CEP70: variants seen among roughly 807,000 people sequenced by gnomAD.
CEP70 encodes centrosomal protein 70, also known as centrosomal protein of 70 kDa.
A neutral mutation model predicts 90.9 loss-of-function variants in CEP70; 70 were observed. That is an observed-to-expected ratio of 0.77 (90% confidence interval 0.64 to 0.94). CEP70 has a LOEUF of 0.94. CEP70 is among the 40% of genes least tolerant of loss of function. The probability of loss-of-function intolerance (pLI) is 0.00; values close to 1 mark genes in which losing one functional copy is unlikely to be tolerated. For synonymous variants in CEP70, 220 were observed against 228.3 expected (o/e 0.96, Z 0.33); for missense variants, 648 against 669.0 (o/e 0.97, Z 0.35).
At position 138,508,493 on chromosome 3, in the gene CEP70, ATCTT is replaced by A. The variant is rs1374357953; in HGVS notation, c.992_995del (p.Lys331MetfsTer12). ...GTTGCTGATTATATTTGCTGGGCTC[ATCTT>A]TCTTCTCTGTGTCCTCAGCCTTCTT... On this transcript the variant is annotated frameshift_variant, in exon 12 of 18. Coordinates refer to ENST00000264982, the MANE Select transcript of CEP70 (RefSeq NM_024491.4). LOFTEE classifies it high-confidence loss of function. 2 of 1,613,238 alleles carry A rather than the reference ATCTT, an allele frequency of 1.2e-6. No homozygotes were observed. Among genetic ancestry groups the A allele is most frequent in the Non-Finnish European group, 1.7e-6 (2 of 1,179,314 alleles).
At chr3:138,511,168 C>A (rs572965003) in intron 11 of CEP70, among the ~76,000 whole-genome samples, 2 of 152,218 alleles carry the variant, frequency 1.3e-5, no homozygotes, top group East Asian at 3.9e-4. Flanking sequence ...ACCGTGCCCC[C>A]CCAGTCCTAA....
rs202216015 is a variant in CEP70 at position 138,501,042 on chromosome 3, AT to A, written c.1222-162del. Among the ~76,000 whole-genome samples the A allele has an allele frequency of 7.1e-3, 1,071 of 151,622 alleles. 12 individuals are homozygous for A. The highest frequency in any genetic ancestry group is 0.025 in the African/African-American group (1,025 of 41,458). The stretch of plus-strand genomic sequence containing the variant: ...TTAAAAAAATATATATGTAACCATC[AT>A]TTTTTTTAAATAAAAATACTACTAC... On this transcript the variant is annotated intron_variant, in intron 13 of 17. Coordinates refer to ENST00000264982, the MANE Select transcript of CEP70 (RefSeq NM_024491.4).
chr3:138,583,977 A>T (rs1001081081), intron 2 of CEP70, among the ~76,000 whole-genome samples: 1 of 150,416 alleles, frequency 6.6e-6, no homozygotes, highest in Non-Finnish European at 1.5e-5. Flanking sequence ...ACATAAGAAC[A>T]ATAAAACAAA....
intron 2 of CEP70, among the ~76,000 whole-genome samples, chr3:138,589,102 G>C (rs1221904788): frequency 6.6e-6 from 1 of 152,122 alleles, no homozygotes; most frequent in Non-Finnish European, 1.5e-5. Flanking sequence ...AGGGAATTTG[G>C]GGGGATGATG....
At chr3:138,585,519 T>C (rs1010144709) in intron 2 of CEP70, among the ~76,000 whole-genome samples, 1 of 152,186 alleles carries the variant, frequency 6.6e-6, no homozygotes, top group South Asian at 2.1e-4. Context: ...ACCAATGACA[T>C]TCTTCACAGA....
intron 6 of CEP70, among the ~76,000 whole-genome samples, chr3:138,541,878 C>A (rs967703444): frequency 6.6e-6 from 1 of 152,170 alleles, no homozygotes; most frequent in Non-Finnish European, 1.5e-5. Context: ...AAAAAGTTAG[C>A]TGAGTGTCGT....
chr3:138,501,552 T>C (rs2034511588), intron 13 of CEP70, among the ~76,000 whole-genome samples: 1 of 152,216 alleles, frequency 6.6e-6, no homozygotes, highest in South Asian at 2.1e-4. Flanking sequence ...AAGTAGTCTT[T>C]TATGAATGAC....
chr3:138,505,434 T>C lies in CEP70; in HGVS notation c.1082A>G (p.Asn361Ser). The part of the protein sequence containing the change: ...VLCSINSIIH[N>S]PRAPVIIYKQ... ...ATAAATTATTACTGGAGCTCTTGGA[T>C]TGTGGATAATTGAATTGATGCTACA... Residue 361 changes from asparagine (N) to serine (S), a missense_variant, in exon 13 of 18, where the codon AAT becomes AGT. Physicochemically the swap from Asn to Ser is conservative, Grantham distance 46 (BLOSUM62 1). Coordinates refer to ENST00000264982, the MANE Select transcript of CEP70 (RefSeq NM_024491.4). 6.2e-7 allele frequency: 1 copy of C among 1,606,990 alleles called. No homozygotes were observed. The highest frequency in any genetic ancestry group is 8.5e-7 in the Non-Finnish European group (1 of 1,177,678).
intron 6 of CEP70, among the ~76,000 whole-genome samples, chr3:138,561,308 T>C (rs1285666035): frequency 6.6e-6 from 1 of 151,910 alleles, no homozygotes; most frequent in Non-Finnish European, 1.5e-5. Flanking sequence ...GGCCTGACTG[T>C]TAGAAGGAAA....
intron 2 of CEP70, among the ~76,000 whole-genome samples, chr3:138,576,233 C>T (rs1461791922): frequency 1.3e-5 from 2 of 151,962 alleles, no homozygotes; most frequent in African/African-American, 4.8e-5. Flanking sequence ...CACACATAGG[C>T]TCAAAATAAA....
At chr3:138,563,816 A>G (rs2040585358) in intron 6 of CEP70, among the ~76,000 whole-genome samples, 2 of 152,198 alleles carry the variant, frequency 1.3e-5, no homozygotes, top group Non-Finnish European at 2.9e-5. Flanking sequence ...CAAACTCAAA[A>G]ACTAGCAGAA....
At chr3:138,568,752 G>A (rs950824449) in intron 6 of CEP70, among the ~76,000 whole-genome samples, 10 of 152,034 alleles carry the variant, frequency 6.6e-5, no homozygotes, top group African/African-American at 1.9e-4. Flanking sequence ...AGGCTGAGGC[G>A]GGTGGATCAC....
At chr3:138,560,743 A>G (rs747830737) in intron 6 of CEP70, among the ~76,000 whole-genome samples, 34 of 152,266 alleles carry the variant, frequency 2.2e-4, no homozygotes, top group East Asian at 3.9e-4. Context: ...CAGTATAAAC[A>G]AAGCCGCCCA....
intron 6 of CEP70, among the ~76,000 whole-genome samples, chr3:138,552,635 A>C (rs891908311): frequency 6.6e-6 from 1 of 152,194 alleles, no homozygotes; most frequent in African/African-American, 2.4e-5. Flanking sequence ...GAGAGATAAT[A>C]GTGACATAAC....
intron 5 of CEP70, 141 bp from the exon 6 acceptor site, chr3:138,570,639 C>T: frequency 3.1e-6 from 2 of 653,634 alleles, no homozygotes; most frequent in Non-Finnish European, 2.5e-6. Flanking sequence ...AGAAGTGATT[C>T]ATATTTCAGA....
chr3:138,497,178 A>G, intron 17 of CEP70: 1 of 1,189,844 alleles, frequency 8.4e-7, no homozygotes, highest in African/African-American at 1.6e-5. Flanking sequence ...ACTGCACATA[A>G]GACTGGTCAC....
intron 10 of CEP70, among the ~76,000 whole-genome samples, chr3:138,528,870 TA>T (rs1483684221): frequency 2.0e-5 from 3 of 152,164 alleles, no homozygotes; most frequent in African/African-American, 7.2e-5. Context: ...TGTGCACCTG[TA>T]ATCCCAGCTA....
At chr3:138,591,436 G>A (rs938458571) in intron 2 of CEP70, among the ~76,000 whole-genome samples, 19 of 152,020 alleles carry the variant, frequency 1.2e-4, no homozygotes, top group African/African-American at 4.6e-4. Context: ...AACCTGCAGA[G>A]CTCTGTAGCC....
intron 6 of CEP70, among the ~76,000 whole-genome samples, chr3:138,557,856 A>G (rs1158829355): frequency 4.6e-5 from 7 of 152,220 alleles, no homozygotes; most frequent in Admixed American, 6.5e-5. Flanking sequence ...CACAAAGAAC[A>G]TCCAATATTA....
Sources: gnomAD v4.1 joint callset for allele counts (sites outside exome capture counted in the v4.1 genomes callset) on GRCh38, gnomAD v4.1.1 for gene constraint, MANE v1.5 for transcripts, NCBI Gene and HGNC (gene_info 2026-07-23, HGNC 2026-07-21) for gene names.